The following XPO1 variants were observed in gnomAD, a reference collection of about 807,000 sequenced individuals.
XPO1 encodes exportin 1.
A neutral mutation model predicts 133.3 loss-of-function variants in XPO1; 5 were observed. The ratio of observed to expected loss-of-function variants is 0.04; its 90% CI spans 0.02 to 0.08. The LOEUF is 0.08. Among genes scored for constraint, XPO1 ranks in the 10% least tolerant of loss-of-function variants. The pLI is 1.00. For synonymous variants in XPO1, 419 were observed against 408.2 expected, an observed-to-expected ratio of 1.03 and a Z score of -0.32; for missense variants, 506 against 1,267.5, an observed-to-expected ratio of 0.40 and a Z score of 9.12.
chr2:61,480,584 G>C (rs559219281), intron 24 of XPO1: 1 of 151,554 alleles, frequency 6.6e-6, no homozygotes. Flanking sequence ...CCCAGCCTAG[G>C]TAACTTTCAT....
intron 6 of XPO1, among the ~76,000 whole-genome samples, chr2:61,501,309 A>C (rs1697505986): frequency 6.6e-6 from 1 of 152,214 alleles, no homozygotes; most frequent in African/African-American, 2.4e-5. Context: ...AAAAATTATA[A>C]ATTTAGTCTA....
rs377385038 is a variant in XPO1, at chr2:61,485,914, A to T, written c.2362T>A (p.Tyr788Asn). ...CTAGCAGCTGGGACATTTCTCTGATAATCAATGAGAACTGCATCCAACAGA... is the reference window on the plus strand; with the variant it reads ...CTAGCAGCTGGGACATTTCTCTGATTATCAATGAGAACTGCATCCAACAGA... Reference protein sequence around the residue: ...PPLLDAVLIDYQRNVPAAREP... With the variant: ...PPLLDAVLIDNQRNVPAAREP... Residue 788 changes from tyrosine to asparagine, a missense_variant, in exon 20 of 25, where the codon TAT becomes AAT. Transcript: ENST00000401558. 6.2e-7 allele frequency: 1 copy of T among 1,614,082 alleles called. No homozygotes were observed. Among genetic ancestry groups the T allele is most frequent in the Non-Finnish European group, 8.5e-7 (1 of 1,179,986 alleles).
Position 61,495,445 on chromosome 2 carries a change from C to T in XPO1, c.1047+10G>A, listed in dbSNP as rs765419569. The T allele has an allele frequency of 3.9e-6, 6 of 1,519,554 alleles. 1 individual carries two copies. The Admixed American group carries it at 8.3e-5, about 21-fold the overall frequency. 94.1% of individuals were successfully genotyped at this position (1,519,554 alleles called of 1,614,324 possible). ...CAGAATTTTAGGAGCAAAAGCTCCA[C>T]ATATCTTACCTCCATAAGAGTTTCC... On this transcript the variant is annotated intron_variant, in intron 11 of 24. Coordinates refer to ENST00000401558, the MANE Select transcript of XPO1 (RefSeq NM_003400.4).
At chr2:61,533,703 A>C (rs1207420977) in intron 2 of XPO1, 69 bp downstream of exon 2, 1 of 1,357,492 alleles carries the variant, frequency 7.4e-7, no homozygotes, top group African/African-American at 1.5e-5. Context: ...ATAATTTAAA[A>C]TTTTATTCTA....
intron 4 of XPO1, among the ~76,000 whole-genome samples, chr2:61,517,518 T>A (rs1399410171): frequency 6.6e-6 from 1 of 152,194 alleles, no homozygotes; most frequent in Non-Finnish European, 1.5e-5. Flanking sequence ...CTCAGGAGTT[T>A]AAGGCTGCAG....
intron 4 of XPO1, among the ~76,000 whole-genome samples, chr2:61,509,589 G>A (rs545620117): frequency 2.6e-5 from 4 of 151,814 alleles, no homozygotes; most frequent in African/African-American, 9.7e-5. Flanking sequence ...TCATGCCGTC[G>A]CACTCCAGCC....
At chr2:61,500,099 G>A (rs902940786) in intron 6 of XPO1, among the ~76,000 whole-genome samples, 3 of 152,060 alleles carry the variant, frequency 2.0e-5, no homozygotes, top group African/African-American at 4.8e-5. Flanking sequence ...CTTAATCACC[G>A]CAGGACCCTT....
chr2:61,484,437 G>T, intron 20 of XPO1: 1 of 221,638 alleles, frequency 4.5e-6, no homozygotes, highest in Non-Finnish European at 8.8e-6. Context: ...AAAAATTTAA[G>T]TTACCGTGTA....
intron 16 of XPO1, among the ~76,000 whole-genome samples, chr2:61,491,623 G>A (rs889470530): frequency 2.0e-5 from 3 of 152,190 alleles, no homozygotes; most frequent in African/African-American, 7.2e-5. Flanking sequence ...CAGGCTGGGC[G>A]TGGTGGCTCA....
chr2:61,522,832 A>G, intron 3 of XPO1, 149 bp from the exon 4 acceptor site: 1 of 638,354 alleles, frequency 1.6e-6, no homozygotes, highest in Non-Finnish European at 2.7e-6. Context: ...TTAAACAAGT[A>G]TCTATTCACC....
intron 16 of XPO1, among the ~76,000 whole-genome samples, chr2:61,491,135 G>A (rs1696962105): frequency 6.6e-6 from 1 of 151,324 alleles, no homozygotes; most frequent in Non-Finnish European, 1.5e-5. Flanking sequence ...GGTGACAGAG[G>A]AAGACTCCAC....
intron 16 of XPO1, among the ~76,000 whole-genome samples, chr2:61,491,305 A>G (rs1422387151): frequency 2.6e-5 from 4 of 151,950 alleles, no homozygotes; most frequent in Non-Finnish European, 5.9e-5. Context: ...TACTAAAAAT[A>G]AAAAAATTAG....
At position 61,492,247 on chromosome 2, in the gene XPO1, G is replaced by T; in HGVS notation, c.1724-49C>A. ...TATTTTGTCCTGGACTCCATCATGG[G>T]TCTCTAACAAGACAAAAACATTCAT... is the stretch of plus-strand genomic sequence containing the variant. On this transcript the variant is annotated intron_variant, in intron 15 of 24. Coordinates refer to ENST00000401558, the MANE Select transcript of XPO1 (RefSeq NM_003400.4). This position sits in a 1 kb window ranked among gnomAD's most constrained non-coding sequence, Gnocchi z 5.6. The T allele has an allele frequency of 1.3e-6, 2 of 1,594,958 alleles. No individual in the cohort carries two copies. Among genetic ancestry groups the T allele is most frequent in the South Asian group, 2.3e-5 (2 of 87,682 alleles).
chr2:61,484,432 T>C (rs1573106554), intron 20 of XPO1: 3 of 227,116 alleles, frequency 1.3e-5, no homozygotes, highest in East Asian at 1.1e-4. Flanking sequence ...TACAAAAAAA[T>C]TTAAGTTACC....
chr2:61,497,628 A>C (rs2104478809), intron 9 of XPO1, among the ~76,000 whole-genome samples: 1 of 152,240 alleles, frequency 6.6e-6, no homozygotes, highest in Admixed American at 6.5e-5. Context: ...AGGACCTAAA[A>C]CTTGTGATTG....
At chr2:61,511,254 G>A (rs942091332) in intron 4 of XPO1, among the ~76,000 whole-genome samples, 4 of 152,118 alleles carry the variant, frequency 2.6e-5, no homozygotes, top group Non-Finnish European at 5.9e-5. Flanking sequence ...CTTCAGAGTA[G>A]CAGGGATTAC....
At chr2:61,535,078 C>CCTA (rs1558686497) in intron 1 of XPO1, among the ~76,000 whole-genome samples, 4 of 152,286 alleles carry the variant, frequency 2.6e-5, no homozygotes, top group South Asian at 4.1e-4. Context: ...CTGGTTAAAA[C>CCTA]CTACTAGTTC....
intron 5 of XPO1, 96 bp from the exon 6 acceptor site, chr2:61,502,136 A>ATGTG (rs1697557778): frequency 6.7e-7 from 1 of 1,492,140 alleles, no homozygotes. Context: ...TCTACTGTAA[A>ATGTG]TGACTGACTG....
intron 4 of XPO1, among the ~76,000 whole-genome samples, chr2:61,515,919 T>TAAAAA (rs869071296): frequency 1.1e-5 from 1 of 93,186 alleles, no homozygotes; most frequent in African/African-American, 4.5e-5. Flanking sequence ...CCATCTCTAC[T>TAAAAA]AAAAAAAAAA....
Sources: gnomAD v4.1 joint callset for allele counts (sites outside exome capture counted in the v4.1 genomes callset) on GRCh38, gnomAD v4.1.1 for gene constraint, Gnocchi (gnomAD v3.1) non-coding constraint, MANE v1.5 for transcripts, NCBI Gene and HGNC (gene_info 2026-07-23, HGNC 2026-07-21) for gene names.